The following DLGAP2 variants were observed in gnomAD, a reference collection of about 807,000 sequenced individuals.
DLGAP2 encodes the protein DLG associated protein 2.
In DLGAP2, 26 loss-of-function variants were observed where a neutral mutation model predicts 100.3. That is an observed-to-expected ratio of 0.26 (90% CI 0.19 to 0.36). DLGAP2 has a LOEUF of 0.36. Among genes scored for constraint, DLGAP2 ranks in the 10% least tolerant of loss-of-function variants. DLGAP2 has a pLI of 1.00. For missense variants in DLGAP2, 1,858 were observed against 1,453.2 expected (o/e 1.28, Z -4.53); for synonymous variants, 886 against 630.1 (o/e 1.41, Z -6.08).
At chr8:1,306,712 G>A (rs1800500066) in intron 3 of DLGAP2, among the ~76,000 whole-genome samples, 2 of 152,170 alleles carry the variant, frequency 1.3e-5, no homozygotes, top group Non-Finnish European at 2.9e-5. Flanking sequence ...TAGACTAATG[G>A]AACAGAATAG....
intron 2 of DLGAP2, among the ~76,000 whole-genome samples, chr8:1,197,740 T>A (rs1450786532): frequency 6.6e-6 from 1 of 151,970 alleles, no homozygotes; most frequent in Admixed American, 6.6e-5. Context: ...CATATAAACC[T>A]GAGCCACGCC....
chr8:1,584,029 C>G (rs994484873), intron 6 of DLGAP2, among the ~76,000 whole-genome samples: 5 of 152,064 alleles, frequency 3.3e-5, no homozygotes, highest in East Asian at 3.9e-4. Context: ...CCTCACTGCT[C>G]GTGCTTGTCT....
chr8:1,184,284 C>T (rs114880818), intron 2 of DLGAP2, among the ~76,000 whole-genome samples: 180 of 152,372 alleles, frequency 1.2e-3, no homozygotes, highest in African/African-American at 3.9e-3. Flanking sequence ...TATTTCAAGA[C>T]ATGAAACTTG....
intron 1 of DLGAP2, among the ~76,000 whole-genome samples, chr8:786,278 G>C (rs1317894706): frequency 6.6e-6 from 1 of 152,174 alleles, no homozygotes; most frequent in East Asian, 1.9e-4. Context: ...AGAGGGTGCA[G>C]TTGGTCCATG....
At chr8:1,384,385 C>G (rs1270225688) in intron 3 of DLGAP2, among the ~76,000 whole-genome samples, 2 of 134,054 alleles carry the variant, frequency 1.5e-5, no homozygotes, top group African/African-American at 5.5e-5. Flanking sequence ...GGCCTGTGCC[C>G]GGCCCCTGAG....
At chr8:778,659 C>T (rs902889199) in intron 1 of DLGAP2, among the ~76,000 whole-genome samples, 5 of 152,214 alleles carry the variant, frequency 3.3e-5, no homozygotes, top group Non-Finnish European at 5.9e-5. Flanking sequence ...GCTCAGGGGT[C>T]AGGGGTCAGG....
chr8:1,306,169 T>C (rs1441989314), intron 3 of DLGAP2, among the ~76,000 whole-genome samples: 1 of 151,094 alleles, frequency 6.6e-6, no homozygotes, highest in Non-Finnish European at 1.5e-5. Context: ...CATAATCTTA[T>C]ATGTAGAAAA....
rs553351653 is a variant in DLGAP2 at position 931,537 on chromosome 8, C to T, written c.73+23571C>T. ...CTCGGCCGTTATTTTTAGGCACTGC[C>T]ACTTGTCATGATGTTCTTCCTGCAG... On this transcript the variant is annotated intron_variant, in intron 2 of 14. Coordinates refer to ENST00000637795, the MANE Select transcript of DLGAP2 (RefSeq NM_001346810.2). 2.6e-5 allele frequency among the ~76,000 whole-genome samples: 4 copies of T among 152,298 alleles called. No homozygotes were observed. The South Asian group carries it at 6.2e-4, about 24-fold the overall frequency.
chr8:741,438 C>G (rs142067867), intron 1 of DLGAP2, among the ~76,000 whole-genome samples: 117 of 152,284 alleles, frequency 7.7e-4, no homozygotes, highest in African/African-American at 2.6e-3. Context: ...TCTCCCAGTC[C>G]TCAGGTCATG....
intron 2 of DLGAP2, among the ~76,000 whole-genome samples, chr8:1,210,409 G>A (rs1484452115): frequency 4.6e-5 from 7 of 152,214 alleles, no homozygotes; most frequent in Non-Finnish European, 7.3e-5. Flanking sequence ...ATGTCTTGAG[G>A]GCTGACCCTG....
intron 1 of DLGAP2, among the ~76,000 whole-genome samples, chr8:839,380 A>G (rs888221302): frequency 6.6e-6 from 1 of 152,258 alleles, no homozygotes; most frequent in Admixed American, 6.5e-5. Context: ...ATAGATGCAC[A>G]ATGGAATACT....
In DLGAP2 at chr8:1,040,658, G is replaced by A. The variant is rs893001491; in HGVS notation, c.73+132692G>A. Among the ~76,000 whole-genome samples, 138 of 147,006 alleles carry A rather than the reference G, an allele frequency of 9.4e-4. 1 individual carries two copies. The highest frequency in any genetic ancestry group is 3.2e-3 in the African/African-American group (126 of 39,398). On this transcript the variant is annotated intron_variant, in intron 2 of 14. Transcript: ENST00000637795. ...CGTGGTTGGCTCGGTGTGCGTGGTC[G>A]GCTTGGTGTGTGTGGTCGGCTCGGT...
intron 3 of DLGAP2, among the ~76,000 whole-genome samples, chr8:1,459,847 G>A (rs533861402): frequency 5.9e-5 from 9 of 152,012 alleles, no homozygotes; most frequent in South Asian, 4.2e-4. Context: ...CACCACGCCC[G>A]GCTAATTTTT....
intron 6 of DLGAP2, among the ~76,000 whole-genome samples, chr8:1,570,157 A>G (rs991736244): frequency 6.6e-6 from 1 of 152,262 alleles, no homozygotes; most frequent in Non-Finnish European, 1.5e-5. Flanking sequence ...GAAGCACATC[A>G]TAGGGACCTC....
chr8:1,560,464 C>A (rs1277030762), intron 5 of DLGAP2, among the ~76,000 whole-genome samples: 5 of 152,102 alleles, frequency 3.3e-5, no homozygotes, highest in African/African-American at 1.2e-4. Flanking sequence ...TAAGCCATCC[C>A]CTATGATACA....
chr8:878,391 ATGCTT>A (rs1797723870), intron 1 of DLGAP2, among the ~76,000 whole-genome samples: 1 of 152,194 alleles, frequency 6.6e-6, no homozygotes, highest in Non-Finnish European at 1.5e-5. Context: ...TTCTTGATGA[ATGCTT>A]TGCTCTTCCT....
At chr8:1,426,081 C>T (rs537685172) in intron 3 of DLGAP2, among the ~76,000 whole-genome samples, 29 of 152,228 alleles carry the variant, frequency 1.9e-4, no homozygotes, top group African/African-American at 4.6e-4. Context: ...CCCCTAAGGC[C>T]GGGAGAAAGC....
intron 2 of DLGAP2, among the ~76,000 whole-genome samples, chr8:1,222,609 G>T (rs571453832): frequency 6.6e-6 from 1 of 152,176 alleles, no homozygotes; most frequent in African/African-American, 2.4e-5. Context: ...GGTGCATGCT[G>T]GCGGGGGAAG....
intron 3 of DLGAP2, among the ~76,000 whole-genome samples, chr8:1,367,868 C>A (rs530480544): frequency 6.6e-6 from 1 of 152,072 alleles, no homozygotes; most frequent in Non-Finnish European, 1.5e-5. Flanking sequence ...CATATATAAA[C>A]TGGTAAGAGA....
Sources: gnomAD v4.1 joint callset for allele counts (sites outside exome capture counted in the v4.1 genomes callset) on GRCh38, gnomAD v4.1.1 for gene constraint, MANE v1.5 for transcripts, NCBI Gene and HGNC (gene_info 2026-07-23, HGNC 2026-07-21) for gene names.